The following ELL variants were observed in gnomAD, a reference collection of about 807,000 sequenced individuals.
The protein encoded by ELL is RNA polymerase II elongation factor ELL.
A neutral mutation model predicts 64.0 loss-of-function variants in ELL; 18 were observed. The observed-to-expected ratio is 0.28, with a 90% CI of 0.19 to 0.42. The LOEUF is 0.42. Among genes scored for constraint, ELL ranks in the 10% least tolerant of loss-of-function variants. The pLI, the probability that ELL is intolerant of heterozygous loss-of-function variation, is 1.00. For synonymous variants in ELL, 399 were observed against 376.2 expected, an observed-to-expected ratio of 1.06 and a Z score of -0.70; for missense variants, 797 against 870.4, an observed-to-expected ratio of 0.92 and a Z score of 1.06.
intron 1 of ELL, among the ~76,000 whole-genome samples, chr19:18,484,105 T>C (rs1184796428): frequency 1.3e-5 from 2 of 152,222 alleles, no homozygotes; most frequent in Non-Finnish European, 1.5e-5. Context: ...CTGTCCCCTC[T>C]AGCGCACTCT....
chr19:18,511,895 G>A (rs1034526199), intron 1 of ELL, among the ~76,000 whole-genome samples: 15 of 151,846 alleles, frequency 9.9e-5, no homozygotes, highest in Non-Finnish European at 1.2e-4. Context: ...AGTGACTCAC[G>A]CCTGTAATCC....
chr19:18,517,143 A>G (rs271624), intron 1 of ELL, among the ~76,000 whole-genome samples: 77,711 of 151,970 alleles, frequency 0.51, 23,899 homozygotes, highest in African/African-American at 0.88. Context: ...GCAGGTGAGT[A>G]ACACTGTCCT....
intron 1 of ELL, among the ~76,000 whole-genome samples, chr19:18,503,388 G>A (rs1975821663): frequency 6.6e-6 from 1 of 152,252 alleles, no homozygotes; most frequent in Admixed American, 6.5e-5. Flanking sequence ...AGGAGCGAGG[G>A]AGCCCCAGCA....
intron 1 of ELL, among the ~76,000 whole-genome samples, chr19:18,484,218 C>A (rs1975364656): frequency 6.6e-6 from 1 of 152,212 alleles, no homozygotes; most frequent in African/African-American, 2.4e-5. Flanking sequence ...AATCCCAGCA[C>A]TTTGGGAAGC....
chr19:18,446,515 TG>T, intron 9 of ELL, 35 bp from the exon 10 acceptor site: 1 of 1,600,416 alleles, frequency 6.2e-7, no homozygotes, highest in Non-Finnish European at 8.5e-7. Context: ...GAGTGGAGGC[TG>T]GAAGGACCCA....
At chr19:18,489,396 C>T (rs1366355836) in intron 1 of ELL, among the ~76,000 whole-genome samples, 1 of 152,190 alleles carries the variant, frequency 6.6e-6, no homozygotes, top group Non-Finnish European at 1.5e-5. Context: ...CTGGCCGCCC[C>T]GGGTGCTCCC....
intron 1 of ELL, among the ~76,000 whole-genome samples, chr19:18,509,593 GCACATA>G (rs1422105862): frequency 0.013 from 1,077 of 83,228 alleles, 42 homozygotes; most frequent in South Asian, 0.015. Flanking sequence ...GCGCGCGCGC[GCACATA>G]CACACACACA....
chr19:18,453,814 C>A (rs142317223), intron 6 of ELL, among the ~76,000 whole-genome samples: 3 of 152,318 alleles, frequency 2.0e-5, no homozygotes, highest in African/African-American at 7.2e-5. Context: ...AGCAATCCTC[C>A]CACCTAAGCC....
intron 1 of ELL, among the ~76,000 whole-genome samples, chr19:18,495,980 T>C (rs1975643656): frequency 6.6e-6 from 1 of 152,308 alleles, no homozygotes; most frequent in Non-Finnish European, 1.5e-5. Flanking sequence ...CTACCCTACC[T>C]GCTCCACACA....
rs750396739 is a variant in ELL, at chr19:18,445,273, A to G, written c.1705-5T>C. The G allele has an allele frequency of 1.2e-6, 2 of 1,613,808 alleles. No homozygotes were observed. Among genetic ancestry groups the G allele is most frequent in the South Asian group, 2.2e-5 (2 of 91,086 alleles). ...CAAAATCTGCCCTCGAGTAGTCTAG[A>G]AGAAAAACAAAATTTTGAGAAAACA... On this transcript the variant is annotated splice_region_variant and splice_polypyrimidine_tract_variant and intron_variant, in intron 10 of 11. Transcript: ENST00000262809.
chr19:18,500,677 G>A (rs1278271164), intron 1 of ELL, among the ~76,000 whole-genome samples: 1 of 152,146 alleles, frequency 6.6e-6, no homozygotes, highest in Non-Finnish European at 1.5e-5. Context: ...AGCTCTCCCT[G>A]TGCCAGGCCC....
Position 18,471,956 on chromosome 19 carries a change from A to G in ELL, c.183+879T>C, listed in dbSNP as rs189217374. 2.0e-5 allele frequency among the ~76,000 whole-genome samples: 3 copies of G among 151,008 alleles called. No individual in the cohort carries two copies. In the East Asian group the frequency reaches 5.9e-4, roughly 30 times the overall value. On this transcript the variant is annotated intron_variant, in intron 2 of 11. Coordinates refer to ENST00000262809, the MANE Select transcript of ELL (RefSeq NM_006532.4). Reference sequence around the variant, plus strand: ...CCAGCGACTAGTTTCGTGGAAGACAATTTTTCTTTTTCTTTTTTTTTTTGA... The same window carrying G: ...CCAGCGACTAGTTTCGTGGAAGACAGTTTTTCTTTTTCTTTTTTTTTTTGA...
rs575216593 is a variant in ELL, at chr19:18,445,684, C to A, written c.1705-416G>T. Among the ~76,000 whole-genome samples the A allele has an allele frequency of 3.9e-5, 6 of 152,240 alleles. 1 individual carries two copies. The highest frequency in any genetic ancestry group is 4.1e-4 in the South Asian group (2 of 4,822). The stretch of plus-strand genomic sequence containing the variant: ...GCAAAGGGGCCTTGGCCAGGAGAGA[C>A]CCCGGCATCTGATTAATCAGGGCCC... On this transcript the variant is annotated intron_variant, in intron 10 of 11. Transcript: ENST00000262809.
Position 18,501,002 on chromosome 19 carries a change from G to GAAGC in ELL, c.135+20915_135+20918dup, listed in dbSNP as rs1975769725. ...GACTCCACAGAGCAGAACCTGCAGGGAAGCAGGCCAACCTCCAACCACCGA... is the reference window on the plus strand; with the variant it reads ...GACTCCACAGAGCAGAACCTGCAGGGAAGCAAGCAGGCCAACCTCCAACCACCGA... On this transcript the variant is annotated intron_variant, in intron 1 of 11. Coordinates refer to ENST00000262809, the MANE Select transcript of ELL (RefSeq NM_006532.4). This position sits in a 1 kb window ranked among gnomAD's most constrained non-coding sequence, Gnocchi z 4.5. Among the ~76,000 whole-genome samples the GAAGC allele has an allele frequency of 6.6e-6, 1 of 152,086 alleles. No individual in the cohort carries two copies. Among genetic ancestry groups the GAAGC allele is most frequent in the African/African-American group, 2.4e-5 (1 of 41,412 alleles).
At chr19:18,486,798 G>A (rs915940038) in intron 1 of ELL, among the ~76,000 whole-genome samples, 3 of 152,138 alleles carry the variant, frequency 2.0e-5, no homozygotes, top group Admixed American at 1.3e-4. Context: ...GGCATGACCC[G>A]TGGTCCCCAG....
chr19:18,510,714 G>C (rs1976000894), intron 1 of ELL, among the ~76,000 whole-genome samples: 1 of 152,182 alleles, frequency 6.6e-6, no homozygotes, highest in East Asian at 1.9e-4. Flanking sequence ...AAAATAACCA[G>C]TTCGGGCAAG....
At position 18,501,661 on chromosome 19, in the gene ELL, C is replaced by A. The variant is rs1454958539; in HGVS notation, c.135+20260G>T. The stretch of plus-strand genomic sequence containing the variant: ...CACTAGGACAGGATCTGCCCAATCC[C>A]AGGCACTTCCCACTGGTCCATCTGA... On this transcript the variant is annotated intron_variant, in intron 1 of 11. Coordinates refer to ENST00000262809, the MANE Select transcript of ELL (RefSeq NM_006532.4). The surrounding 1 kb of genome is among the most constrained non-coding windows in gnomAD (Gnocchi z 4.5). Among the ~76,000 whole-genome samples, 1 of 152,236 alleles carries A rather than the reference C, an allele frequency of 6.6e-6. No individual in the cohort carries two copies. Among genetic ancestry groups the A allele is most frequent in the African/African-American group, 2.4e-5 (1 of 41,464 alleles).
chr19:18,491,507 G>C (rs2144954658), intron 1 of ELL, among the ~76,000 whole-genome samples: 1 of 152,184 alleles, frequency 6.6e-6, no homozygotes, highest in Non-Finnish European at 1.5e-5. Context: ...CTGGCAGAAG[G>C]ACTCTAGGCT....
At chr19:18,489,745 G>A (rs2144952469) in intron 1 of ELL, among the ~76,000 whole-genome samples, 1 of 152,202 alleles carries the variant, frequency 6.6e-6, no homozygotes, top group East Asian at 1.9e-4. Context: ...CTCCCCCAAG[G>A]CGTCATCAGA....
Sources: allele counts gnomAD v4.1 joint callset (sites outside exome capture counted in the v4.1 genomes callset), GRCh38; gene constraint gnomAD v4.1.1; non-coding constraint Gnocchi (gnomAD v3.1); transcripts MANE v1.5; gene names NCBI Gene and HGNC (gene_info 2026-07-23, HGNC 2026-07-21).